Variants in DNAH5 observed in about 807,000 individuals in gnomAD.
The protein encoded by DNAH5 is dynein axonemal heavy chain 5.
DNAH5 carries 372 observed loss-of-function variants against 518.2 expected under a neutral mutation model. That is an observed-to-expected ratio of 0.72 (90% CI 0.66 to 0.78). The LOEUF (loss-of-function observed/expected upper bound fraction) is 0.78, where lower values mean the gene tolerates loss of function less well. Ranked by LOEUF, DNAH5 falls within the 30% of genes least tolerant of loss-of-function variation. The pLI is 0.00. For synonymous variants in DNAH5, 2,039 were observed against 2,025.9 expected, an observed-to-expected ratio of 1.01 and a Z score of -0.17; for missense variants, 5,523 against 5,687.0, an observed-to-expected ratio of 0.97 and a Z score of 0.93.
At chr5:13,829,837 G>T in intron 37 of DNAH5, 133 bp from the exon 38 acceptor site, 1 of 1,116,952 alleles carries the variant, frequency 9.0e-7, no homozygotes, top group Non-Finnish European at 1.3e-6. Context: ...TCTCAATCTC[G>T]TTTTACCTGG....
Position 13,922,241 on chromosome 5 carries a change from G to C in DNAH5, c.526C>G (p.Leu176Val). Reference sequence around the variant, plus strand: ...CCCCAGCCATGGCTCGTGGCTCTGAGAGCAGGAATGAAGATGTCCGACAGC... The same window carrying C: ...CCCCAGCCATGGCTCGTGGCTCTGACAGCAGGAATGAAGATGTCCGACAGC... ...RLLSDIFIPA[L>V]RATSHGWGEL... The change falls in exon 5 of 79, where the codon CTC (leucine) becomes GTC (valine). Residue 176 changes from leucine (L) to valine (V), a missense_variant. Physicochemically the swap from Leu to Val is conservative, Grantham distance 32. Coordinates refer to ENST00000265104, the MANE Select transcript of DNAH5 (RefSeq NM_001369.3). 1.2e-6 allele frequency: 2 copies of C among 1,613,956 alleles called. No individual in the cohort carries two copies. The highest frequency in any genetic ancestry group is 2.2e-5 in the South Asian group (2 of 91,084).
At chr5:14,004,362 C>T (rs1784578221) in intron 1 of DNAH5, among the ~76,000 whole-genome samples, 1 of 152,130 alleles carries the variant, frequency 6.6e-6, no homozygotes, top group African/African-American at 2.4e-5. Flanking sequence ...CTGCCTATAC[C>T]AGAGAGGGGA....
At chr5:13,861,322 T>C (rs565056771) in intron 29 of DNAH5, among the ~76,000 whole-genome samples, 1 of 152,348 alleles carries the variant, frequency 6.6e-6, no homozygotes, top group East Asian at 1.9e-4. Context: ...TCTAACTTTA[T>C]ATCCCAATAT....
chr5:13,813,102 G>C (rs1760932932), intron 43 of DNAH5, among the ~76,000 whole-genome samples: 1 of 152,082 alleles, frequency 6.6e-6, no homozygotes, highest in South Asian at 2.1e-4. Flanking sequence ...TGGCCTTCCT[G>C]TTCTAAACAT....
At chr5:13,793,453 A>G in intron 49 of DNAH5, 62 bp downstream of exon 49, 1 of 1,469,270 alleles carries the variant, frequency 6.8e-7, no homozygotes, top group South Asian at 1.1e-5. Context: ...GAAGATTTTC[A>G]AAAAGGAACC....
chr5:13,721,283 C>T (rs1186470510), intron 70 of DNAH5, 38 bp from the exon 71 acceptor site: 1 of 1,613,336 alleles, frequency 6.2e-7, no homozygotes, highest in African/African-American at 1.3e-5. Flanking sequence ...AAAGTCATTC[C>T]AACTCTTTCA....
intron 78 of DNAH5, among the ~76,000 whole-genome samples, chr5:13,693,578 T>C (rs1184428831): frequency 6.6e-6 from 1 of 152,316 alleles, no homozygotes; most frequent in Middle Eastern, 3.4e-3. Flanking sequence ...CGGAGGACAT[T>C]TGCCAATATC....
intron 3 of DNAH5, among the ~76,000 whole-genome samples, chr5:13,925,078 G>A (rs1777723994): frequency 6.6e-6 from 1 of 152,126 alleles, no homozygotes; most frequent in African/African-American, 2.4e-5. Context: ...TCCTCCCATG[G>A]TGCTAGGCTA....
At position 13,867,725 on chromosome 5, in the gene DNAH5, T is replaced by C. The variant is rs1455828782; in HGVS notation, c.4053+49A>G. On this transcript the variant is annotated intron_variant, in intron 25 of 78. Coordinates refer to ENST00000265104, the MANE Select transcript of DNAH5 (RefSeq NM_001369.3). ...TTTTAGACAACTACATTTTGCATGT[T>C]GTATTCACTCATCCCCGAAAACGCA... The C allele has an allele frequency of 4.4e-6, 6 of 1,372,690 alleles. No individual in the cohort carries two copies. The East Asian group carries it at 1.4e-4, about 31-fold the overall frequency. The allele number at this position is 1,372,690 out of a possible 1,614,324, so 85.0% of individuals were successfully genotyped here.
At chr5:13,782,990 G>C (rs781452382) in intron 52 of DNAH5, among the ~76,000 whole-genome samples, 55 of 152,168 alleles carry the variant, frequency 3.6e-4, no homozygotes, top group Non-Finnish European at 7.2e-4. Flanking sequence ...GACAGAGGCT[G>C]GGGTCATGAG....
rs5866062 is a variant in DNAH5, at chr5:13,708,476, GA to G, written c.13126-142del. The G allele has an allele frequency of 0.018, 10,768 of 611,952 alleles. 256 individuals carry two copies. The highest frequency in any genetic ancestry group is 0.1 in the African/African-American group (5,345 of 51,242). The allele number at this position is 611,952 out of a possible 1,614,324, so 37.9% of individuals were successfully genotyped here. A position where few individuals can be genotyped will look rare whatever the true frequency, so the allele number is the denominator to read the frequency against. ...CTTCTAATTTATTGCATGGCAAAAA[GA>G]AAAAAAAAAAGAAAAGAAAACAGAA... On this transcript the variant is annotated intron_variant, in intron 75 of 78. Coordinates refer to ENST00000265104, the MANE Select transcript of DNAH5 (RefSeq NM_001369.3).
At chr5:13,701,528 T>G in intron 76 of DNAH5, 92 bp from the exon 77 acceptor site, 4 of 1,223,166 alleles carry the variant, frequency 3.3e-6, no homozygotes, top group Non-Finnish European at 4.7e-6. Flanking sequence ...AAAGATGAAA[T>G]ATCAATTTCA....
chr5:13,981,651 G>A (rs190147203), intron 1 of DNAH5, among the ~76,000 whole-genome samples: 1 of 152,298 alleles, frequency 6.6e-6, no homozygotes, highest in Non-Finnish European at 1.5e-5. Flanking sequence ...AAGAGGGAGG[G>A]TCCATCCATC....
Position 13,989,685 on chromosome 5 carries a change from G to A in DNAH5, c.12+21963C>T, listed in dbSNP as rs1011671553. ...TTTTTAGTAGAGACGGGGTTTCACCGTATTAGCCAGGATGATCTCGATCTC... is the reference window on the plus strand; with the variant it reads ...TTTTTAGTAGAGACGGGGTTTCACCATATTAGCCAGGATGATCTCGATCTC... On this transcript the variant is annotated intron_variant, in intron 1 of 78. Coordinates refer to the DNAH5 transcript ENST00000681290. 3.9e-5 allele frequency among the ~76,000 whole-genome samples: 6 copies of A among 151,900 alleles called. 1 individual carries two copies. The highest frequency in any genetic ancestry group is 7.4e-5 in the Non-Finnish European group (5 of 68,000).
In DNAH5 at chr5:13,850,569, C is replaced by A. The variant is rs937593245; in HGVS notation, c.5114+83G>T. 6 of 1,265,464 alleles carry A rather than the reference C, an allele frequency of 4.7e-6. No individual in the cohort carries two copies. In the African/African-American group the frequency reaches 8.8e-5, roughly 18 times the overall value. The allele number at this position is 1,265,464 out of a possible 1,614,324, so 78.4% of individuals were successfully genotyped here. On this transcript the variant is annotated intron_variant, in intron 31 of 78. Coordinates refer to ENST00000265104, the MANE Select transcript of DNAH5 (RefSeq NM_001369.3). ...TAAATTCAGCCTTAGCAAAAGAAAA[C>A]AAATTTGGCTAATGCTATCTAGTCT...
intron 1 of DNAH5, among the ~76,000 whole-genome samples, chr5:13,969,467 C>A (rs2152055883): frequency 6.6e-6 from 1 of 152,216 alleles, no homozygotes; most frequent in Non-Finnish European, 1.5e-5. Context: ...TAGGAACTTT[C>A]CTTTTGGCAC....
intron 29 of DNAH5, 88 bp from the exon 30 acceptor site, chr5:13,859,693 T>C: frequency 7.4e-7 from 1 of 1,350,794 alleles, no homozygotes; most frequent in Admixed American, 1.7e-5. Context: ...TCTTAATTTT[T>C]AACCGCTTTC....
chr5:13,999,453 G>T lies in DNAH5; in HGVS notation c.12+12195C>A, dbSNP rs562053195. 4.6e-5 allele frequency among the ~76,000 whole-genome samples: 7 copies of T among 152,316 alleles called. No individual in the cohort carries two copies. The South Asian group carries it at 1.5e-3, about 32-fold the overall frequency. ...ATACCTCATCTAAGTGGAATCATGC[G>T]TTAGTTGTCTGTGACTGGCTTATTT... On this transcript the variant is annotated intron_variant, in intron 1 of 78. Transcript: ENST00000681290.
rs368920785 is a variant in DNAH5 at position 13,701,365 on chromosome 5, C to T, written c.13410G>A (p.Ser4470=). ...AGTGAGGTCGGCCATTGAAAACCCA[C>T]GAGGTAAACTGGCTGTTTCTTTCTA... ...ELIERNSQFT[S]WVFNGRPHCF... Residue 4470 remains serine (S), a synonymous_variant, in exon 77 of 79, where the codon TCG becomes TCA. Transcript: ENST00000265104. 49 of 1,613,944 alleles carry T rather than the reference C, an allele frequency of 3.0e-5. No homozygotes were observed. The highest frequency in any genetic ancestry group is 1.8e-4 in the Admixed American group (11 of 60,002).
Sources: allele counts gnomAD v4.1 joint callset (sites outside exome capture counted in the v4.1 genomes callset), GRCh38; gene constraint gnomAD v4.1.1; transcripts MANE v1.5; gene names NCBI Gene and HGNC (gene_info 2026-07-23, HGNC 2026-07-21).